The following NIPBL variants were observed in gnomAD, a reference collection of about 807,000 sequenced individuals.
NIPBL encodes the protein nipped-B-like protein.
NIPBL carries 19 observed loss-of-function variants against 321.8 expected under a neutral mutation model. That is an observed-to-expected ratio of 0.06 (90% confidence interval 0.04 to 0.09). NIPBL has a LOEUF of 0.09. NIPBL is among the 10% of genes least tolerant of loss of function. The pLI, the probability that NIPBL is intolerant of heterozygous loss-of-function variation, is 1.00. For missense variants in NIPBL, 2,210 were observed against 3,327.0 expected, an observed-to-expected ratio of 0.66 and a Z score of 8.26; for synonymous variants, 1,106 against 1,114.1, an observed-to-expected ratio of 0.99 and a Z score of 0.14.
At chr5:36,991,840 A>G (rs1745558555) in intron 10 of NIPBL, among the ~76,000 whole-genome samples, 1 of 151,698 alleles carries the variant, frequency 6.6e-6, no homozygotes, top group Admixed American at 6.6e-5. Context: ...CATTGACCAA[A>G]GCTTCACTTC....
intron 1 of NIPBL, among the ~76,000 whole-genome samples, chr5:36,902,170 A>G (rs886081811): frequency 2.6e-5 from 4 of 151,196 alleles, no homozygotes; most frequent in African/African-American, 9.7e-5. Flanking sequence ...CCTTTGTTGG[A>G]TGTATCGTTT....
At chr5:37,051,642 ACACT>A (rs1214605007) in intron 40 of NIPBL, 133 bp from the exon 41 acceptor site, 2 of 651,466 alleles carry the variant, frequency 3.1e-6, no homozygotes, top group Non-Finnish European at 5.5e-6. Context: ...TTTAAAAAGA[ACACT>A]AAAACATAGA....
Position 37,007,407 on chromosome 5 carries a change from G to C in NIPBL, c.4172G>C (p.Cys1391Ser). The C allele has an allele frequency of 6.2e-7, 1 of 1,609,782 alleles. No individual in the cohort carries two copies. Among genetic ancestry groups the C allele is most frequent in the Non-Finnish European group, 8.5e-7 (1 of 1,176,544 alleles). ...RVIVMLYNKV[C>S]DIVSSLSELL... The stretch of plus-strand genomic sequence containing the variant: ...ATAGTAATGCTTTATAACAAAGTTT[G>C]TGACATTGTTAGCAGCTTATCAGAA... Residue 1391 changes from cysteine to serine, a missense_variant, in exon 18 of 47, where the codon TGT becomes TCT. Physicochemically the swap from Cys to Ser is moderately radical, Grantham distance 112. Transcript: ENST00000282516.
chr5:36,988,412 C>CA (rs1196654046), intron 10 of NIPBL, among the ~76,000 whole-genome samples: 4 of 151,904 alleles, frequency 2.6e-5, no homozygotes, highest in Non-Finnish European at 5.9e-5. Flanking sequence ...TCCTTTTCAT[C>CA]AAAAAATACT....
intron 21 of NIPBL, among the ~76,000 whole-genome samples, chr5:37,013,646 T>C (rs1192385947): frequency 6.8e-6 from 1 of 147,482 alleles, no homozygotes; most frequent in East Asian, 2.0e-4. Context: ...TTCCCAGATG[T>C]GATGGTGGCC....
chr5:36,953,059 T>C (rs1024807581), intron 1 of NIPBL, among the ~76,000 whole-genome samples: 10 of 152,258 alleles, frequency 6.6e-5, no homozygotes, highest in Admixed American at 5.2e-4. Flanking sequence ...GTAGGAAGAA[T>C]GTCTTAAGGA....
intron 7 of NIPBL, 75 bp downstream of exon 7, chr5:36,971,111 A>C (rs1012395349): frequency 8.4e-6 from 10 of 1,185,962 alleles, no homozygotes; most frequent in Middle Eastern, 2.1e-4. Context: ...TCCATTTCAA[A>C]ATTTGAATGA....
chr5:37,041,257 T>G (rs962235745), intron 34 of NIPBL, among the ~76,000 whole-genome samples: 1 of 118,134 alleles, frequency 8.5e-6, no homozygotes. Flanking sequence ...TGGTGGTTTT[T>G]TTTTTTTTTT....
intron 21 of NIPBL, among the ~76,000 whole-genome samples, chr5:37,012,425 T>A (rs1368727953): frequency 2.7e-5 from 4 of 150,438 alleles, no homozygotes; most frequent in Non-Finnish European, 5.9e-5. Flanking sequence ...GGAGAGAGTT[T>A]TCATATATTG....
chr5:37,064,458 A>C, intron 46 of NIPBL, 69 bp from the exon 47 acceptor site: 1 of 1,599,196 alleles, frequency 6.3e-7, no homozygotes, highest in Non-Finnish European at 8.5e-7. Context: ...AAAAGCAATA[A>C]AAACAATAAT....
intron 22 of NIPBL, among the ~76,000 whole-genome samples, chr5:37,015,653 C>T (rs1748887773): frequency 6.6e-6 from 1 of 152,058 alleles, no homozygotes; most frequent in African/African-American, 2.4e-5. Context: ...TCGCTGGAAC[C>T]CGGGAGGTGG....
At chr5:37,030,250 T>C (rs1377354607) in intron 32 of NIPBL, among the ~76,000 whole-genome samples, 5 of 152,172 alleles carry the variant, frequency 3.3e-5, no homozygotes, top group Non-Finnish European at 5.9e-5. Context: ...ATCCATCCTA[T>C]TCATGCTCTC....
chr5:37,028,695 T>C (rs115666290), intron 32 of NIPBL, among the ~76,000 whole-genome samples: 2,713 of 152,212 alleles, frequency 0.018, 90 homozygotes, highest in African/African-American at 0.062. Context: ...ATAAATACTT[T>C]AGCATCTATC....
Position 37,026,345 on chromosome 5 carries a change from A to G in NIPBL, c.5808+18A>G. 6.9e-7 allele frequency: 1 copy of G among 1,456,414 alleles called. No homozygotes were observed. 90.2% of individuals were successfully genotyped at this position (1,456,414 alleles called of 1,614,324 possible). ...CCGATGTGGTAAGAAGGACTGGAAC[A>G]AGGGTGTGGTCACTGTTGATCCAGA... On this transcript the variant is annotated intron_variant, in intron 31 of 46. Transcript: ENST00000282516.
chr5:36,944,181 T>C (rs1739414684), intron 1 of NIPBL, among the ~76,000 whole-genome samples: 1 of 152,090 alleles, frequency 6.6e-6, no homozygotes, highest in Non-Finnish European at 1.5e-5. Flanking sequence ...TATATATGTT[T>C]TATGCTGATT....
chr5:36,936,483 G>A (rs1738444253), intron 1 of NIPBL, among the ~76,000 whole-genome samples: 1 of 152,120 alleles, frequency 6.6e-6, no homozygotes, highest in Non-Finnish European at 1.5e-5. Context: ...GTGCGTAGTA[G>A]GCTATAACAT....
At chr5:36,884,068 C>T (rs981825881) in intron 1 of NIPBL, among the ~76,000 whole-genome samples, 2 of 152,058 alleles carry the variant, frequency 1.3e-5, no homozygotes, top group African/African-American at 4.8e-5. Context: ...TATTCCATAA[C>T]GTTACCTTCA....
rs569332760 is a variant in NIPBL at position 36,885,320 on chromosome 5, G to A, written c.-80+8142G>A. 52 of 488,474 alleles carry A rather than the reference G, an allele frequency of 1.1e-4. 1 individual carries two copies. The East Asian group carries it at 1.6e-3, about 15-fold the overall frequency. The allele number at this position is 488,474 out of a possible 1,614,324, so 30.3% of individuals were successfully genotyped here. ...CAGTGCAGCCAGCGTCTATGCAGGC[G>A]CCAGGGGCTCTGGTTCGCGGATCTC... On this transcript the variant is annotated intron_variant, in intron 1 of 46. Coordinates refer to ENST00000282516, the MANE Select transcript of NIPBL (RefSeq NM_133433.4).
chr5:36,952,987 G>A (rs1164323217), intron 1 of NIPBL, among the ~76,000 whole-genome samples: 1 of 152,166 alleles, frequency 6.6e-6, no homozygotes, highest in Non-Finnish European at 1.5e-5. Context: ...TCGTGGGAAC[G>A]TGCTTTGGAT....
Sources: gnomAD v4.1 joint callset for allele counts (sites outside exome capture counted in the v4.1 genomes callset) on GRCh38, gnomAD v4.1.1 for gene constraint, MANE v1.5 for transcripts, NCBI Gene and HGNC (gene_info 2026-07-23, HGNC 2026-07-21) for gene names.